MAF: variants seen among roughly 807,000 people sequenced by gnomAD.
MAF encodes the protein MAF bZIP transcription factor, also known as transcription factor Maf.
In MAF, 10 loss-of-function variants were observed where a neutral mutation model predicts 22.0. The ratio of observed to expected loss-of-function variants is 0.45; its 90% CI spans 0.28 to 0.77. The LOEUF is 0.77. MAF is among the 30% of genes least tolerant of loss of function. MAF has a pLI of 0.12. For synonymous variants in MAF, 337 were observed against 255.8 expected, an observed-to-expected ratio of 1.32 and a Z score of -3.03; for missense variants, 544 against 548.4, an observed-to-expected ratio of 0.99 and a Z score of 0.08.
At chr16:79,277,721 G>A in the MAF span, among the ~76,000 whole-genome samples, 5 of 152,162 alleles carry the variant, frequency 3.3e-5, no homozygotes, top group Non-Finnish European at 5.9e-5. Context: ...TAATCCCCCT[G>A]AGCTTCTATG....
At chr16:79,576,384 C>G in the MAF span, among the ~76,000 whole-genome samples, 25 of 152,108 alleles carry the variant, frequency 1.6e-4, no homozygotes. Context: ...ACCACCTGAG[C>G]TGGTCCTTCC....
the MAF span, chr16:79,204,731 C>A: frequency 6.6e-6 from 1 of 152,236 alleles, no homozygotes; most frequent in South Asian, 2.1e-4. Flanking sequence ...CTTGGCCTTC[C>A]CAGAACAAAC....
At chr16:79,280,638 G>A in the MAF span, among the ~76,000 whole-genome samples, 1 of 152,078 alleles carries the variant, frequency 6.6e-6, no homozygotes, top group Non-Finnish European at 1.5e-5. Flanking sequence ...CTTCTCTCTG[G>A]GGTGCTGCAG....
chr16:79,592,831 G>A (rs910846724), downstream of MAF, among the ~76,000 whole-genome samples: 8 of 152,254 alleles, frequency 5.3e-5, no homozygotes, highest in African/African-American at 9.6e-5. Flanking sequence ...TCAAAGAGAC[G>A]GACAAAATTA....
chr16:79,251,691 G>T, the MAF span, among the ~76,000 whole-genome samples: 1 of 152,130 alleles, frequency 6.6e-6, no homozygotes, highest in Non-Finnish European at 1.5e-5. Context: ...GTCATATCAG[G>T]CTCAAAGCCG....
chr16:79,520,819 C>T, the MAF span, among the ~76,000 whole-genome samples: 1 of 152,092 alleles, frequency 6.6e-6, no homozygotes, highest in East Asian at 1.9e-4. Context: ...TGTTATTGCT[C>T]CTGATGAACA....
chr16:79,340,480 G>C, the MAF span, among the ~76,000 whole-genome samples: 2 of 151,214 alleles, frequency 1.3e-5, no homozygotes, highest in Non-Finnish European at 2.9e-5. Context: ...AAGTAGTCAA[G>C]GCCATGCCTT....
chr16:79,468,025 A>C, the MAF span, among the ~76,000 whole-genome samples: 167 of 152,330 alleles, frequency 1.1e-3, 1 homozygote, highest in Admixed American at 3.8e-3. Flanking sequence ...TCAATCCAAC[A>C]GAAATTTAAT....
intron 1 of MAF, chr16:79,595,364 CA>C (rs2143766182): frequency 7.6e-6 from 8 of 1,051,398 alleles, no homozygotes; most frequent in Non-Finnish European, 9.2e-6. Context: ...GCACCAAACA[CA>C]ACCTGTTTTC....
chr16:79,599,258 G>T lies in MAF; in HGVS notation c.645C>A (p.Gly215=), dbSNP rs1567567317. The part of the protein sequence containing the change: ...SAAASAGGAG[G]AGGGGPASAG... Reference sequence around the variant, plus strand: ...CGCTGGCCGGGCCACCGCCGCCCGCGCCCCCAGCGCCACCGGCCGAGGCGG... The same window carrying T: ...CGCTGGCCGGGCCACCGCCGCCCGCTCCCCCAGCGCCACCGGCCGAGGCGG... Residue 215 remains glycine, a synonymous_variant, in exon 1 of 2, where the codon GGC becomes GGA. Transcript: ENST00000326043. 1.0e-6 allele frequency: 1 copy of T among 978,386 alleles called. No individual in the cohort carries two copies. Among genetic ancestry groups the T allele is most frequent in the South Asian group, 4.7e-5 (1 of 21,256 alleles). 60.6% of individuals were successfully genotyped at this position (978,386 alleles called of 1,614,324 possible). A position where few individuals can be genotyped will look rare whatever the true frequency, so the allele number is the denominator to read the frequency against.
At chr16:79,223,916 A>G in the MAF span, among the ~76,000 whole-genome samples, 1 of 152,194 alleles carries the variant, frequency 6.6e-6, no homozygotes, top group Non-Finnish European at 1.5e-5. Context: ...TTCAAAGCCA[A>G]ATTCTACCAG....
chr16:79,413,552 C>T, the MAF span, among the ~76,000 whole-genome samples: 1 of 151,866 alleles, frequency 6.6e-6, no homozygotes, highest in Non-Finnish European at 1.5e-5. Flanking sequence ...AGTTTTGATC[C>T]AGTTACTTTA....
chr16:79,327,355 T>C, the MAF span, among the ~76,000 whole-genome samples: 1 of 152,160 alleles, frequency 6.6e-6, no homozygotes, highest in African/African-American at 2.4e-5. Context: ...ATGGCCTTTG[T>C]TATCAGAGTT....
the MAF span, among the ~76,000 whole-genome samples, chr16:79,531,040 A>C: frequency 1.9e-4 from 29 of 152,164 alleles, no homozygotes; most frequent in African/African-American, 6.8e-4. Context: ...CCAAGCTCTA[A>C]TTTCCTAAAT....
Position 79,599,262 on chromosome 16 carries a change from C to A in MAF, c.641G>T (p.Gly214Val), listed in dbSNP as rs957401703. 5.0e-5 allele frequency: 49 copies of A among 978,522 alleles called. No individual in the cohort carries two copies. The highest frequency in any genetic ancestry group is 8.9e-5 in the African/African-American group (5 of 56,456). The allele number at this position is 978,522 out of a possible 1,614,324, so 60.6% of individuals were successfully genotyped here. A position where few individuals can be genotyped will look rare whatever the true frequency, so the allele number is the denominator to read the frequency against. ...GSAAASAGGA[G>V]GAGGGGPASA... ...GGCCGGGCCACCGCCGCCCGCGCCC[C>A]CAGCGCCACCGGCCGAGGCGGCCGC... is the stretch of plus-strand genomic sequence containing the variant. The change falls in exon 1 of 2, where the codon GGG (glycine) becomes GTG (valine). Residue 214 changes from glycine (G) to valine (V), a missense_variant. By Grantham distance (109) the Gly-to-Val change is moderately radical. Transcript: ENST00000326043.
the MAF span, among the ~76,000 whole-genome samples, chr16:79,322,686 G>A: frequency 1.2e-4 from 18 of 152,148 alleles, no homozygotes; most frequent in South Asian, 6.2e-4. Context: ...GAGCTTGTGG[G>A]TATCTAGGGG....
At chr16:79,237,663 T>C in the MAF span, among the ~76,000 whole-genome samples, 1 of 148,992 alleles carries the variant, frequency 6.7e-6, no homozygotes, top group Admixed American at 6.7e-5. Context: ...TGATCTATCC[T>C]ATAGTTTTCT....
At chr16:79,300,762 C>G in the MAF span, among the ~76,000 whole-genome samples, 767 of 150,296 alleles carry the variant, frequency 5.1e-3, 31 homozygotes, top group East Asian at 0.093. Flanking sequence ...TATATGTTAT[C>G]TATGTGTGTA....
At chr16:79,404,635 T>A in the MAF span, among the ~76,000 whole-genome samples, 32 of 131,452 alleles carry the variant, frequency 2.4e-4, no homozygotes, top group Non-Finnish European at 3.9e-4. Context: ...TCCTTTTTTT[T>A]AAATTTTTTT....
Sources: allele counts gnomAD v4.1 joint callset (sites outside exome capture counted in the v4.1 genomes callset), GRCh38; gene constraint gnomAD v4.1.1; transcripts MANE v1.5; gene names NCBI Gene and HGNC (gene_info 2026-07-23, HGNC 2026-07-21).